Variants in PAPPA observed in about 807,000 individuals in gnomAD.
PAPPA encodes pappalysin 1.
Under a neutral mutation model 164.0 loss-of-function variants are expected in PAPPA, and 60 were observed. The ratio of observed to expected loss-of-function variants is 0.37; its 90% CI spans 0.30 to 0.45. The LOEUF is 0.45. PAPPA is among the 20% of genes least tolerant of loss of function. PAPPA has a pLI of 1.00. For missense variants in PAPPA, 1,782 were observed against 2,087.3 expected (o/e 0.85, Z 2.85); for synonymous variants, 875 against 814.1 (o/e 1.07, Z -1.27).
At chr9:116,201,673 T>C (rs1844172636) in intron 2 of PAPPA, among the ~76,000 whole-genome samples, 2 of 152,222 alleles carry the variant, frequency 1.3e-5, no homozygotes, top group African/African-American at 4.8e-5. Context: ...GGTTGAATTT[T>C]CTAATTCCCA....
At chr9:116,181,705 C>G (rs1460977568) in intron 1 of PAPPA, among the ~76,000 whole-genome samples, 1 of 152,200 alleles carries the variant, frequency 6.6e-6, no homozygotes, top group African/African-American at 2.4e-5. Flanking sequence ...AAACCTGAGT[C>G]AGAAACCATC....
intron 17 of PAPPA, 21 bp downstream of exon 17, chr9:116,353,814 G>A (rs1179526625): frequency 4.4e-6 from 7 of 1,591,034 alleles, no homozygotes; most frequent in Non-Finnish European, 6.0e-6. Flanking sequence ...TGGAACTTGA[G>A]ATTGATACCA....
At chr9:116,203,218 G>C (rs1287091035) in intron 2 of PAPPA, among the ~76,000 whole-genome samples, 1 of 152,212 alleles carries the variant, frequency 6.6e-6, no homozygotes, top group Non-Finnish European at 1.5e-5. Flanking sequence ...ATGTACACAG[G>C]TTAGAGCAGA....
At chr9:116,214,799 G>A (rs956954355) in intron 4 of PAPPA, among the ~76,000 whole-genome samples, 1 of 152,174 alleles carries the variant, frequency 6.6e-6, no homozygotes, top group African/African-American at 2.4e-5. Flanking sequence ...GCCTACAGGA[G>A]CAAGTGTCCT....
chr9:116,199,633 T>C (rs932618903), intron 2 of PAPPA, among the ~76,000 whole-genome samples: 1 of 152,142 alleles, frequency 6.6e-6, no homozygotes, highest in Non-Finnish European at 1.5e-5. Flanking sequence ...CAGGACACTT[T>C]CAATTCTCCA....
intron 18 of PAPPA, among the ~76,000 whole-genome samples, chr9:116,363,294 G>A (rs1051022738): frequency 2.0e-5 from 3 of 152,162 alleles, no homozygotes; most frequent in African/African-American, 7.2e-5. Context: ...CAAAACTTGA[G>A]GGGATAATGG....
rs114182874 is a variant in PAPPA, at chr9:116,398,958, C to T, written c.*2342C>T. On this transcript the variant is annotated 3_prime_UTR_variant, in exon 22 of 22. Coordinates refer to ENST00000328252, the MANE Select transcript of PAPPA (RefSeq NM_002581.5). ...GAGTTATCAGCCTGTGTGGTGTTAA[C>T]TACCTTAGAAGGTACAAGCTAAGAA... is the stretch of plus-strand genomic sequence containing the variant. The T allele has an allele frequency of 5.2e-3, 1,628 of 315,770 alleles. 34 individuals carry two copies. The highest frequency in any genetic ancestry group is 0.034 in the African/African-American group (1,554 of 45,598). The allele number at this position is 315,770 out of a possible 1,614,324, so 19.6% of individuals were successfully genotyped here. A position where few individuals can be genotyped will look rare whatever the true frequency, so the allele number is the denominator to read the frequency against.
rs1846313492 is a variant in PAPPA at position 116,353,646 on chromosome 9, C to T, written c.4200C>T (p.Thr1400=). 6.2e-7 allele frequency: 1 copy of T among 1,613,936 alleles called. No individual in the cohort carries two copies. The highest frequency in any genetic ancestry group is 2.2e-5 in the East Asian group (1 of 44,874). The change falls in exon 17 of 22, where the codon ACC becomes ACT. Residue 1400 remains threonine (T), a synonymous_variant. Coordinates refer to ENST00000328252, the MANE Select transcript of PAPPA (RefSeq NM_002581.5). The stretch of plus-strand genomic sequence containing the variant: ...GACGGGCCTTCAAGACTCAGTGTAC[C>T]CAGGATGGCAGCTGGCAGGAGGGAG... The part of the protein sequence containing the change: ...SKKRAFKTQC[T]QDGSWQEGAC...
chr9:116,205,448 A>G (rs1367498834), intron 2 of PAPPA, among the ~76,000 whole-genome samples: 1 of 152,134 alleles, frequency 6.6e-6, no homozygotes, highest in Non-Finnish European at 1.5e-5. Flanking sequence ...AAATGAACAA[A>G]TCAATTAGAA....
chr9:116,187,142 G>A lies in PAPPA; in HGVS notation c.416-12G>A. On this transcript the variant is annotated splice_polypyrimidine_tract_variant and intron_variant, in intron 1 of 21. Coordinates refer to ENST00000328252, the MANE Select transcript of PAPPA (RefSeq NM_002581.5). This position sits in a 1 kb window ranked among gnomAD's most constrained non-coding sequence, Gnocchi z 4.2. Reference sequence around the variant, plus strand: ...CTTTATTTATTCATCTTTCTCTTTTGGGGCCACATAGGGCTGTATGACAAA... The same window carrying A: ...CTTTATTTATTCATCTTTCTCTTTTAGGGCCACATAGGGCTGTATGACAAA... 6.4e-7 allele frequency: 1 copy of A among 1,572,478 alleles called. No individual in the cohort carries two copies. The highest frequency in any genetic ancestry group is 1.4e-5 in the African/African-American group (1 of 73,942).
Position 116,396,774 on chromosome 9 carries a change from T to C in PAPPA, c.*158T>C, listed in dbSNP as rs544800229. On this transcript the variant is annotated 3_prime_UTR_variant, in exon 22 of 22. Coordinates refer to ENST00000328252, the MANE Select transcript of PAPPA (RefSeq NM_002581.5). ...TAATTTTACCCAGGAAGGACTCACA[T>C]TGGGGCGAATGAACCAAGTTTCGCC... 1.8e-4 allele frequency: 110 copies of C among 596,796 alleles called. 3 individuals carry two copies. Among genetic ancestry groups the C allele is most frequent in the South Asian group, 1.0e-3 (48 of 47,666 alleles). 37.0% of individuals were successfully genotyped at this position (596,796 alleles called of 1,614,324 possible). A position where few individuals can be genotyped will look rare whatever the true frequency, so the allele number is the denominator to read the frequency against.
chr9:116,369,290 C>T (rs747535313), intron 19 of PAPPA, among the ~76,000 whole-genome samples: 5 of 152,134 alleles, frequency 3.3e-5, no homozygotes, highest in Non-Finnish European at 2.9e-5. Flanking sequence ...CCCAGTGCAC[C>T]CTGATATGCT....
chr9:116,331,154 T>C (rs1845985832), intron 10 of PAPPA, 90 bp from the exon 11 acceptor site: 2 of 791,822 alleles, frequency 2.5e-6, no homozygotes, highest in Non-Finnish European at 4.2e-6. Flanking sequence ...AAGAGCAAAA[T>C]AGGTGAACAG....
intron 1 of PAPPA, among the ~76,000 whole-genome samples, chr9:116,158,375 CT>C (rs1843627597): frequency 1.3e-5 from 2 of 152,130 alleles, no homozygotes; most frequent in African/African-American, 4.8e-5. Flanking sequence ...ATCTGTAGTC[CT>C]ACCTGGGATC....
chr9:116,194,309 G>A (rs1254343293), intron 2 of PAPPA, among the ~76,000 whole-genome samples: 5 of 152,090 alleles, frequency 3.3e-5, no homozygotes, highest in Non-Finnish European at 7.3e-5. Flanking sequence ...TGCCATGAGG[G>A]TCTCATAAAA....
intron 1 of PAPPA, among the ~76,000 whole-genome samples, chr9:116,169,412 C>G (rs537735205): frequency 1.3e-5 from 2 of 148,270 alleles, no homozygotes; most frequent in Middle Eastern, 3.4e-3. Context: ...CTCCACCTCC[C>G]GAGGTCAAGC....
intron 13 of PAPPA, among the ~76,000 whole-genome samples, chr9:116,342,529 A>T (rs1035070301): frequency 6.6e-6 from 1 of 152,128 alleles, no homozygotes; most frequent in African/African-American, 2.4e-5. Flanking sequence ...ATGCTTTGGA[A>T]GCTTTTAGCT....
intron 8 of PAPPA, among the ~76,000 whole-genome samples, chr9:116,267,847 A>C (rs1315667294): frequency 7.5e-6 from 1 of 134,198 alleles, no homozygotes; most frequent in Admixed American, 8.6e-5. Context: ...TGCAGTCTGC[A>C]GTCCGGCCTG....
chr9:116,225,291 T>C (rs1844492324), intron 5 of PAPPA, among the ~76,000 whole-genome samples: 1 of 152,230 alleles, frequency 6.6e-6, no homozygotes. Flanking sequence ...GAGGAAGCCT[T>C]TCTCTCCACT....
Sources: allele counts gnomAD v4.1 joint callset (sites outside exome capture counted in the v4.1 genomes callset), GRCh38; gene constraint gnomAD v4.1.1; non-coding constraint Gnocchi (gnomAD v3.1); transcripts MANE v1.5; gene names NCBI Gene and HGNC (gene_info 2026-07-23, HGNC 2026-07-21).